Variants in RFX4 observed in about 807,000 individuals in gnomAD.
RFX4 encodes the protein regulatory factor X4, also known as transcription factor RFX4.
Under a neutral mutation model 95.0 loss-of-function variants are expected in RFX4, and 10 were observed. The ratio of observed to expected loss-of-function variants is 0.11; its 90% CI spans 0.06 to 0.18. The LOEUF (loss-of-function observed/expected upper bound fraction) is 0.18, where lower values mean the gene tolerates loss of function less well. Among genes scored for constraint, RFX4 ranks in the 10% least tolerant of loss-of-function variants. RFX4 has a pLI of 1.00. For synonymous variants in RFX4, 321 were observed against 340.7 expected, an observed-to-expected ratio of 0.94 and a Z score of 0.64; for missense variants, 640 against 922.0, an observed-to-expected ratio of 0.69 and a Z score of 3.96.
chr12:106,699,348 T>C (rs2041943854), intron 8 of RFX4, among the ~76,000 whole-genome samples: 1 of 152,204 alleles, frequency 6.6e-6, no homozygotes, highest in East Asian at 1.9e-4. Context: ...GAATGTTCTA[T>C]GTGTACCTGA....
intron 4 of RFX4, among the ~76,000 whole-genome samples, chr12:106,672,923 TC>T (rs1407135361): frequency 6.6e-6 from 1 of 152,138 alleles, no homozygotes; most frequent in Non-Finnish European, 1.5e-5. Flanking sequence ...CTTCCACCCA[TC>T]CCCCATCCCC....
chr12:106,751,060 A>G (rs2042993770), intron 17 of RFX4, among the ~76,000 whole-genome samples: 1 of 149,694 alleles, frequency 6.7e-6, no homozygotes, highest in Admixed American at 6.7e-5. Context: ...AGCATTAGGT[A>G]TATCTCCCAA....
chr12:106,647,205 C>T (rs1441886357), intron 3 of RFX4, among the ~76,000 whole-genome samples: 2 of 152,128 alleles, frequency 1.3e-5, no homozygotes. Context: ...ATAGTAGGTG[C>T]TCAATAAATG....
At chr12:106,590,879 C>G (rs917748427) in intron 1 of RFX4, among the ~76,000 whole-genome samples, 3 of 151,840 alleles carry the variant, frequency 2.0e-5, no homozygotes, top group Admixed American at 6.6e-5. Flanking sequence ...CCCAGGTGTT[C>G]AAGGCTGTAC....
intron 10 of RFX4, 119 bp from the exon 11 acceptor site, chr12:106,715,281 G>T: frequency 8.5e-7 from 1 of 1,176,418 alleles, no homozygotes; most frequent in Non-Finnish European, 1.2e-6. Context: ...GAATTTCCCG[G>T]AATTTCAGGG....
intron 14 of RFX4, 130 bp from the exon 15 acceptor site, chr12:106,732,794 G>A (rs2042637913): frequency 2.5e-6 from 2 of 816,062 alleles, no homozygotes; most frequent in Non-Finnish European, 3.8e-6. Context: ...GATGGTGATG[G>A]GAAACCATCG....
intron 11 of RFX4, among the ~76,000 whole-genome samples, chr12:106,717,302 T>G (rs1269554329): frequency 6.6e-6 from 1 of 152,202 alleles, no homozygotes; most frequent in Non-Finnish European, 1.5e-5. Flanking sequence ...CTAGCAGTGT[T>G]AGACTCAGTT....
At chr12:106,707,460 AG>A (rs1363372150) in intron 8 of RFX4, among the ~76,000 whole-genome samples, 1 of 152,164 alleles carries the variant, frequency 6.6e-6, no homozygotes, top group Admixed American at 6.5e-5. Context: ...CGTGATGACC[AG>A]GCAGAGGGCA....
chr12:106,749,270 A>G (rs1593013769), intron 16 of RFX4, among the ~76,000 whole-genome samples: 2 of 151,376 alleles, frequency 1.3e-5, no homozygotes, highest in African/African-American at 4.8e-5. Flanking sequence ...AAAAAAAAAA[A>G]AAAAAAAGAG....
intron 1 of RFX4, among the ~76,000 whole-genome samples, chr12:106,599,598 G>A (rs1013238898): frequency 1.3e-5 from 2 of 152,114 alleles, no homozygotes; most frequent in African/African-American, 4.8e-5. Flanking sequence ...TTGTGATTGA[G>A]ACTCCAGCTG....
At position 106,687,093 on chromosome 12, in the gene RFX4, A is replaced by G. The variant is rs1278849067; in HGVS notation, c.587A>G (p.Glu196Gly). 6.2e-7 allele frequency: 1 copy of G among 1,613,290 alleles called. No homozygotes were observed. Among genetic ancestry groups the G allele is most frequent in the Middle Eastern group, 1.7e-4 (1 of 5,816 alleles). ...AATCTGCCAGCCAGCCTGCCTGAGG[A>G]GAAGGTAACTACAACTGAAGTGACT... ...DLNLPASLPE[E>G]KVSTFIMMYR... is the part of the protein sequence containing the mutation. Residue 196 changes from glutamate (E) to glycine (G), a missense_variant, in exon 6 of 18, where the codon GAG becomes GGG. By Grantham distance (98) the Glu-to-Gly change is moderately conservative (BLOSUM62 -2). Around this residue, in one of 7 missense-constraint regions of RFX4, gnomAD observed 89 missense variants for 173.8 expected, o/e 0.51. Transcript: ENST00000392842.
rs546003036 is a variant in RFX4, at chr12:106,641,024, T to G, written c.191+1632T>G. On this transcript the variant is annotated intron_variant, in intron 3 of 17. Coordinates refer to ENST00000392842, the MANE Select transcript of RFX4 (RefSeq NM_213594.3). ...TTGAACTCCTGACCTCAGGTGACCC[T>G]CCTGCCTTGGCCTGTCAAAGTGGTG... Among the ~76,000 whole-genome samples, 37 of 152,210 alleles carry G rather than the reference T, an allele frequency of 2.4e-4. 1 individual carries two copies. The highest frequency in any genetic ancestry group is 8.9e-4 in the African/African-American group (37 of 41,504).
At chr12:106,608,745 ATTTTCTTTTTTCT>A in intron 1 of RFX4, 39 bp from the exon 2 acceptor site, 4 of 1,511,156 alleles carry the variant, frequency 2.6e-6, no homozygotes, top group Non-Finnish European at 2.7e-6. Context: ...CAATTCTGTG[ATTTTCTTTTTTCT>A]TTTTCTTTTC....
intron 1 of RFX4, among the ~76,000 whole-genome samples, chr12:106,591,119 G>A (rs555439800): frequency 2.6e-5 from 4 of 152,144 alleles, no homozygotes; most frequent in African/African-American, 9.6e-5. Flanking sequence ...AAGCTGTATG[G>A]ACAATCTCTT....
At chr12:106,608,687 TA>T in intron 1 of RFX4, 109 bp from the exon 2 acceptor site, 1 of 1,018,496 alleles carries the variant, frequency 9.8e-7, no homozygotes, top group Non-Finnish European at 1.4e-6. Flanking sequence ...GATGAGCATT[TA>T]AATCTAATGC....
chr12:106,732,371 T>C, intron 14 of RFX4, 122 bp downstream of exon 14: 1 of 1,367,214 alleles, frequency 7.3e-7, no homozygotes, highest in Non-Finnish European at 1.0e-6. Flanking sequence ...ACAGGTTAAG[T>C]GGTATCAAAC....
intron 4 of RFX4, among the ~76,000 whole-genome samples, chr12:106,656,722 A>AC (rs1038530641): frequency 4.7e-5 from 7 of 150,468 alleles, no homozygotes; most frequent in Admixed American, 6.6e-5. Context: ...TCCTTGAGAC[A>AC]CCCCCCACCA....
chr12:106,710,267 C>T (rs2042167009), intron 9 of RFX4, among the ~76,000 whole-genome samples: 1 of 152,170 alleles, frequency 6.6e-6, no homozygotes, highest in African/African-American at 2.4e-5. Context: ...ACCCTCTCTC[C>T]ACAGGCAAAG....
At chr12:106,693,092 G>T in intron 7 of RFX4, 1 of 439,944 alleles carries the variant, frequency 2.3e-6, no homozygotes, top group South Asian at 1.6e-5. Flanking sequence ...GATCCTGTCA[G>T]CTCCACCTTC....
Sources: gnomAD v4.1 joint callset for allele counts (sites outside exome capture counted in the v4.1 genomes callset) on GRCh38, gnomAD v4.1.1 for gene constraint, gnomAD v4.1.1 regional missense constraint, MANE v1.5 for transcripts, NCBI Gene and HGNC (gene_info 2026-07-23, HGNC 2026-07-21) for gene names.